The following CROT variants were observed in gnomAD, a reference collection of about 807,000 sequenced individuals.
CROT encodes the protein peroxisomal carnitine O-octanoyltransferase.
Under a neutral mutation model 89.2 loss-of-function variants are expected in CROT, and 84 were observed. That is an observed-to-expected ratio of 0.94 (90% confidence interval 0.79 to 1.13). The LOEUF (loss-of-function observed/expected upper bound fraction) is 1.13, where lower values mean the gene tolerates loss of function less well. Ranked by LOEUF, CROT falls within the 50% of genes most tolerant of loss-of-function variation. The probability of loss-of-function intolerance (pLI) is 0.00; values close to 1 mark genes in which losing one functional copy is unlikely to be tolerated. For missense variants in CROT, 711 were observed against 727.8 expected, an observed-to-expected ratio of 0.98 and a Z score of 0.27; for synonymous variants, 212 against 239.5, an observed-to-expected ratio of 0.89 and a Z score of 1.06.
intron 3 of CROT, among the ~76,000 whole-genome samples, chr7:87,351,664 C>A (rs774693702): frequency 6.6e-6 from 1 of 152,134 alleles, no homozygotes; most frequent in Non-Finnish European, 1.5e-5. Context: ...ACAGTGGTCA[C>A]CACGTTGAAT....
chr7:87,351,047 A>G (rs1292834594), intron 3 of CROT, among the ~76,000 whole-genome samples: 2 of 152,082 alleles, frequency 1.3e-5, no homozygotes. Context: ...GGTAGCTCAC[A>G]CCTGTAATCC....
intron 6 of CROT, among the ~76,000 whole-genome samples, chr7:87,367,562 C>T (rs888381182): frequency 6.6e-6 from 1 of 152,198 alleles, no homozygotes; most frequent in Non-Finnish European, 1.5e-5. Flanking sequence ...TGCCCATTCT[C>T]TACCCCCTTG....
chr7:87,357,525 A>T, intron 3 of CROT: 2 of 1,543,904 alleles, frequency 1.3e-6, no homozygotes, highest in East Asian at 4.9e-5. Context: ...ACATGCTACC[A>T]GATAAGGGGT....
At chr7:87,358,987 C>A (rs554081869) in intron 3 of CROT, among the ~76,000 whole-genome samples, 29 of 152,288 alleles carry the variant, frequency 1.9e-4, no homozygotes, top group African/African-American at 6.3e-4. Context: ...TCCCTCCCGA[C>A]TTGCTAATCC....
intron 2 of CROT, 27 bp from the exon 3 acceptor site, chr7:87,349,021 T>C (rs1016206004): frequency 3.0e-6 from 3 of 1,000,024 alleles, no homozygotes; most frequent in Non-Finnish European, 4.6e-6. Flanking sequence ...AGATTGAAGT[T>C]GTGAGGGCTC....
intron 13 of CROT, 108 bp downstream of exon 13, chr7:87,382,651 A>G (rs1807056708): frequency 9.0e-7 from 1 of 1,110,402 alleles, no homozygotes; most frequent in Non-Finnish European, 1.3e-6. Context: ...CTTTTTTCCC[A>G]GCTGGTACTG....
At chr7:87,391,312 G>C (rs539875848) in intron 13 of CROT, among the ~76,000 whole-genome samples, 1 of 152,358 alleles carries the variant, frequency 6.6e-6, no homozygotes, top group African/African-American at 2.4e-5. Flanking sequence ...GGTTACAGCA[G>C]AGCATAAATA....
At chr7:87,381,872 CAT>C (rs773510343) in intron 10 of CROT, 36 bp from the exon 11 acceptor site, 11 of 1,400,230 alleles carry the variant, frequency 7.9e-6, no homozygotes, top group South Asian at 7.5e-5. Flanking sequence ...TTTAAGTTGA[CAT>C]AAAGTATTCA....
rs754050219 is a variant in CROT at position 87,349,176 on chromosome 7, T to C, written c.108T>C (p.Leu36=). ...PSLEESLKKY[L]ESVKPFANQE... ...TTGAAGAATCATTAAAAAAATACCT[T>C]GAATCAGGTATGTTAATAATCTTTT... Residue 36 remains leucine, a synonymous_variant, in exon 3 of 18, where the codon CTT becomes CTC. Coordinates refer to ENST00000331536, the MANE Select transcript of CROT (RefSeq NM_021151.4). The C allele has an allele frequency of 2.1e-5, 31 of 1,495,778 alleles. No individual in the cohort carries two copies. Among genetic ancestry groups the C allele is most frequent in the Non-Finnish European group, 2.9e-5 (31 of 1,079,554 alleles). 92.7% of individuals were successfully genotyped at this position (1,495,778 alleles called of 1,614,324 possible). A position where few individuals can be genotyped will look rare whatever the true frequency, so the allele number is the denominator to read the frequency against.
At chr7:87,391,276 T>C (rs565987009) in intron 13 of CROT, among the ~76,000 whole-genome samples, 13 of 152,336 alleles carry the variant, frequency 8.5e-5, no homozygotes, top group African/African-American at 3.1e-4. Context: ...TGCAAGTCAC[T>C]GTCTAGCCTG....
At chr7:87,355,216 C>T (rs573576258) in intron 3 of CROT, among the ~76,000 whole-genome samples, 64 of 152,028 alleles carry the variant, frequency 4.2e-4, no homozygotes, top group Non-Finnish European at 7.4e-4. Flanking sequence ...CCTCCCACCT[C>T]AGCCTCCCAA....
chr7:87,370,085 A>G (rs569787316), intron 7 of CROT, among the ~76,000 whole-genome samples: 7 of 152,230 alleles, frequency 4.6e-5, no homozygotes, highest in Non-Finnish European at 8.8e-5. Context: ...ATAATCTGAC[A>G]TAATATCCTT....
rs1807359950 is a variant in CROT at position 87,391,617 on chromosome 7, A to C, written c.1330A>C (p.Thr444Pro). ...HPGCCYETAM[T>P]RHFYHGRTET... ...TGGTTGTTGCTATGAAACAGCTATG[A>C]CAAGACATTTTTATCATGGCCGTAC... Residue 444 changes from threonine to proline, a missense_variant, in exon 14 of 18, where the codon ACA (threonine) becomes CCA (proline). By Grantham distance (38) the Thr-to-Pro change is conservative. Coordinates refer to ENST00000331536, the MANE Select transcript of CROT (RefSeq NM_021151.4). 1 of 1,605,104 alleles carries C rather than the reference A, an allele frequency of 6.2e-7. No homozygotes were observed. Among genetic ancestry groups the C allele is most frequent in the Admixed American group, 1.7e-5 (1 of 57,564 alleles).
intron 14 of CROT, 119 bp from the exon 15 acceptor site, chr7:87,392,447 T>C: frequency 2.7e-6 from 2 of 745,150 alleles, no homozygotes; most frequent in South Asian, 1.7e-5. Flanking sequence ...GTTATAGATC[T>C]TCCTAGAAAT....
At chr7:87,375,537 C>T (rs1031837115) in intron 7 of CROT, 95 bp from the exon 8 acceptor site, 12 of 806,136 alleles carry the variant, frequency 1.5e-5, no homozygotes, top group South Asian at 3.6e-5. Flanking sequence ...TATATCCAAA[C>T]ATTTAAATAT....
chr7:87,381,691 G>T (rs962215471), intron 10 of CROT, among the ~76,000 whole-genome samples: 4 of 152,060 alleles, frequency 2.6e-5, no homozygotes, highest in African/African-American at 9.7e-5. Flanking sequence ...GCCCTACTAG[G>T]TGCTTCCAAA....
intron 13 of CROT, among the ~76,000 whole-genome samples, chr7:87,388,955 G>C (rs1164096249): frequency 3.9e-5 from 6 of 152,060 alleles, no homozygotes; most frequent in African/African-American, 1.4e-4. Context: ...ATCAAAAAGT[G>C]GGCAAAAGAT....
chr7:87,364,366 C>T (rs1806373611), intron 6 of CROT, among the ~76,000 whole-genome samples: 1 of 152,118 alleles, frequency 6.6e-6, no homozygotes, highest in East Asian at 1.9e-4. Flanking sequence ...AGGAAGAAAA[C>T]AAGGACAGTG....
intron 3 of CROT, among the ~76,000 whole-genome samples, chr7:87,349,994 G>A (rs192892029): frequency 1.1e-3 from 170 of 152,226 alleles, no homozygotes; most frequent in African/African-American, 3.9e-3. Context: ...AATATACTAG[G>A]TTAGTAAATA....
Sources: gnomAD v4.1 joint callset for allele counts (sites outside exome capture counted in the v4.1 genomes callset) on GRCh38, gnomAD v4.1.1 for gene constraint, MANE v1.5 for transcripts, NCBI Gene and HGNC (gene_info 2026-07-23, HGNC 2026-07-21) for gene names.